BRWD3: variants seen among roughly 807,000 people sequenced by gnomAD.
BRWD3 encodes the protein bromodomain and WD repeat domain containing 3.
In BRWD3, 10 loss-of-function variants were observed where a neutral mutation model predicts 149.7. The observed-to-expected ratio is 0.07, with a 90% confidence interval of 0.04 to 0.11. BRWD3 has a LOEUF of 0.11. Ranked by LOEUF, BRWD3 falls within the 10% of genes least tolerant of loss-of-function variation. The probability of loss-of-function intolerance (pLI) is 1.00; values close to 1 mark genes in which losing one functional copy is unlikely to be tolerated. For missense variants in BRWD3, 940 were observed against 1,373.2 expected (o/e 0.68, Z 4.99); for synonymous variants, 504 against 456.7 (o/e 1.10, Z -1.32).
In BRWD3 at chrX:80,786,368, C is replaced by G. The variant is rs1008118320; in HGVS notation, c.430+5486G>C. 2.7e-5 allele frequency among the ~76,000 whole-genome samples: 3 copies of G among 110,724 alleles called. No homozygotes were observed. In the Admixed American group the frequency reaches 2.9e-4, roughly 11 times the overall value. On this transcript the variant is annotated intron_variant, in intron 6 of 40. Coordinates refer to ENST00000373275, the MANE Select transcript of BRWD3 (RefSeq NM_153252.5). ...AAGAGGGACATGTCCATTTATTATA[C>G]AAATTCTATGCATAGTGGCAAGAGA...
chrX:80,764,047 C>A (rs1365067248), intron 6 of BRWD3, among the ~76,000 whole-genome samples: 1 of 111,547 alleles, frequency 9.0e-6, no homozygotes, highest in African/African-American at 3.3e-5. Context: ...AATAAAGGGC[C>A]AAAAAAATTT....
intron 6 of BRWD3, among the ~76,000 whole-genome samples, chrX:80,747,816 T>C (rs919717157): frequency 8.9e-6 from 1 of 112,239 alleles, no homozygotes; most frequent in Non-Finnish European, 1.9e-5. Flanking sequence ...ATATCAGTTA[T>C]AAGAGGGTTC....
At chrX:80,752,576 A>T (rs1401044330) in intron 6 of BRWD3, among the ~76,000 whole-genome samples, 1 of 112,079 alleles carries the variant, frequency 8.9e-6, no homozygotes, top group Non-Finnish European at 1.9e-5. Context: ...TTTAAAATAT[A>T]TATTTTTATT....
intron 19 of BRWD3, among the ~76,000 whole-genome samples, chrX:80,716,590 T>C (rs1024590086): frequency 1.8e-5 from 2 of 112,418 alleles, no homozygotes; most frequent in East Asian, 5.6e-4. Flanking sequence ...ATATTTGTCC[T>C]TTTGTCTCTG....
rs1479973985 is a variant in BRWD3 at position 80,697,014 on chromosome X, TTAACTCC to T, written c.2944-158_2944-152del. ...TGTTAAAGGTAATAAGATATGGCTC[TTAACTCC>T]TAATAGCAGGTTGTAGTTTAGTGCA... On this transcript the variant is annotated intron_variant, in intron 25 of 40. Coordinates refer to ENST00000373275, the MANE Select transcript of BRWD3 (RefSeq NM_153252.5). 1.4e-4 allele frequency: 82 copies of T among 569,018 alleles called. No individual in the cohort carries two copies. The South Asian group carries it at 1.5e-3, about 11-fold the overall frequency. 46.9% of individuals were successfully genotyped at this position (569,018 alleles called of 1,213,427 possible). A position where few individuals can be genotyped will look rare whatever the true frequency, so the allele number is the denominator to read the frequency against.
chrX:80,808,744 G>A (rs1449276220), intron 3 of BRWD3, 146 bp from the exon 4 acceptor site: 19 of 246,221 alleles, frequency 7.7e-5, no homozygotes, highest in Non-Finnish European at 1.4e-4. Context: ...TATTGGCTCA[G>A]AGCTAGACAA....
At chrX:80,752,128 T>C (rs2073677403) in intron 6 of BRWD3, among the ~76,000 whole-genome samples, 1 of 108,526 alleles carries the variant, frequency 9.2e-6, no homozygotes, top group Non-Finnish European at 1.9e-5. Flanking sequence ...TCCTCCCACC[T>C]CAGCCTCCTG....
chrX:80,761,202 A>G (rs1363731332), intron 6 of BRWD3, among the ~76,000 whole-genome samples: 1 of 112,348 alleles, frequency 8.9e-6, no homozygotes, highest in African/African-American at 3.2e-5. Context: ...TTATTAGTGC[A>G]TCAACCTATT....
intron 26 of BRWD3, 52 bp from the exon 27 acceptor site, chrX:80,696,042 T>A: frequency 1.0e-6 from 1 of 1,001,134 alleles, no homozygotes; most frequent in Non-Finnish European, 1.4e-6. Context: ...TAACAATATA[T>A]GTTACTAAAT....
chrX:80,772,279 T>C (rs1476710451), intron 6 of BRWD3, among the ~76,000 whole-genome samples: 1 of 111,772 alleles, frequency 8.9e-6, no homozygotes, highest in Admixed American at 9.5e-5. Context: ...CATAGAATAC[T>C]ATGCAGCCAT....
At chrX:80,710,668 A>C in intron 20 of BRWD3, 2 of 816,543 alleles carry the variant, frequency 2.4e-6, no homozygotes, top group South Asian at 4.0e-5. Flanking sequence ...CAACCTGCTG[A>C]TTAACCAGCA....
At chrX:80,689,876 G>A (rs370728871) in intron 32 of BRWD3, 30 bp from the exon 33 acceptor site, 18 of 1,173,620 alleles carry the variant, frequency 1.5e-5, no homozygotes, top group Admixed American at 2.2e-5. Flanking sequence ...AAAAGCTTCA[G>A]TAATTTTTAC....
chrX:80,737,369 CTATAT>C (rs1416321705), intron 8 of BRWD3, among the ~76,000 whole-genome samples: 1 of 111,775 alleles, frequency 8.9e-6, no homozygotes, highest in Non-Finnish European at 1.9e-5. Context: ...TGTTGTTATA[CTATAT>C]TACTTAAGGG....
Position 80,676,942 on chromosome X carries a change from CCTGCCTCCTCTTCCT to C in BRWD3, c.5061_5075del (p.Gly1691_Gly1695del), listed in dbSNP as rs761235446. ...CACCTCTTCCTCGACTCCCTCGTCCCCTGCCTCCTCTTCCTCTGCCTCCTCTACTCCATCTACCCC... is the reference window on the plus strand; with the variant it reads ...CACCTCTTCCTCGACTCCCTCGTCCCCTGCCTCCTCTACTCCATCTACCCC... On this transcript the variant is annotated inframe_deletion, in exon 41 of 41. Coordinates refer to ENST00000373275, the MANE Select transcript of BRWD3 (RefSeq NM_153252.5). 6 of 1,202,447 alleles carry C rather than the reference CCTGCCTCCTCTTCCT, an allele frequency of 5.0e-6. No homozygotes were observed. The highest frequency in any genetic ancestry group is 4.5e-6 in the Non-Finnish European group (4 of 887,553).
intron 6 of BRWD3, among the ~76,000 whole-genome samples, chrX:80,766,912 A>T (rs147256791): frequency 6.3e-5 from 7 of 111,927 alleles, no homozygotes; most frequent in African/African-American, 2.3e-4. Context: ...GCACCCAAAT[A>T]CTGTGCTTTC....
In BRWD3 at chrX:80,743,804, T is replaced by C. The variant is rs1366495209; in HGVS notation, c.813+228A>G. On this transcript the variant is annotated intron_variant, in intron 8 of 40. Coordinates refer to ENST00000373275, the MANE Select transcript of BRWD3 (RefSeq NM_153252.5). ...AACAAATACAAATAAGATATCTCAC[T>C]CTATTTATAGAACTTTTTAAATCAT... 5 of 370,605 alleles carry C rather than the reference T, an allele frequency of 1.3e-5. No individual in the cohort carries two copies. The East Asian group carries it at 2.1e-4, about 16-fold the overall frequency. 30.5% of individuals were successfully genotyped at this position (370,605 alleles called of 1,213,427 possible).
intron 6 of BRWD3, among the ~76,000 whole-genome samples, chrX:80,791,051 A>G (rs1187310455): frequency 4.5e-5 from 5 of 112,150 alleles, no homozygotes; most frequent in Non-Finnish European, 7.5e-5. Context: ...ATTTTGTCTA[A>G]ATATATCTTA....
intron 4 of BRWD3, among the ~76,000 whole-genome samples, chrX:80,796,139 T>G (rs1232589577): frequency 9.1e-6 from 1 of 109,438 alleles, no homozygotes; most frequent in Non-Finnish European, 1.9e-5. Context: ...TTTTGTTTTT[T>G]TTTTTTTTTG....
chrX:80,739,908 A>G (rs1012251719), intron 8 of BRWD3, among the ~76,000 whole-genome samples: 3 of 112,234 alleles, frequency 2.7e-5, no homozygotes, highest in Admixed American at 9.5e-5. Context: ...GATGGTGGGT[A>G]ACTGAAACCT....
Sources: gnomAD v4.1 joint callset for allele counts (sites outside exome capture counted in the v4.1 genomes callset) on GRCh38, gnomAD v4.1.1 for gene constraint, MANE v1.5 for transcripts, NCBI Gene and HGNC (gene_info 2026-07-23, HGNC 2026-07-21) for gene names.